MOB1B: variants seen among roughly 807,000 people sequenced by gnomAD.
MOB1B encodes the protein MOB1 Mps One Binder homolog B.
In MOB1B, 19 loss-of-function variants were observed where a neutral mutation model predicts 24.4. The ratio of observed to expected loss-of-function variants is 0.78; its 90% CI spans 0.54 to 1.14. The LOEUF (loss-of-function observed/expected upper bound fraction) is 1.14. Ranked by LOEUF, MOB1B falls within the 50% of genes most tolerant of loss-of-function variation. The pLI is 0.00. For missense variants in MOB1B, 243 were observed against 259.6 expected (o/e 0.94, Z 0.44); for synonymous variants, 76 against 82.1 (o/e 0.93, Z 0.40).
intron 2 of MOB1B, among the ~76,000 whole-genome samples, chr4:70,962,244 G>A (rs1427943937): frequency 1.3e-5 from 2 of 152,130 alleles, no homozygotes; most frequent in African/African-American, 4.8e-5. Context: ...ATTCATCACT[G>A]TAGTTGAGAT....
chr4:70,936,253 C>T (rs1737080209), intron 1 of MOB1B, among the ~76,000 whole-genome samples: 1 of 152,162 alleles, frequency 6.6e-6, no homozygotes, highest in Admixed American at 6.5e-5. Context: ...CTCAGCCTCC[C>T]AAAGTGCTGG....
intron 2 of MOB1B, among the ~76,000 whole-genome samples, chr4:70,962,759 G>T (rs922085968): frequency 2.0e-5 from 3 of 152,292 alleles, no homozygotes; most frequent in Non-Finnish European, 4.4e-5. Context: ...AGCATTTTGG[G>T]AGGCCACGGT....
At position 70,971,847 on chromosome 4, in the gene MOB1B, A is replaced by C. The variant is rs185114714; in HGVS notation, c.275+1823A>C. Among the ~76,000 whole-genome samples, 3 of 152,218 alleles carry C rather than the reference A, an allele frequency of 2.0e-5. No individual in the cohort carries two copies. The East Asian group carries it at 5.8e-4, about 29-fold the overall frequency. On this transcript the variant is annotated intron_variant, in intron 3 of 5. Coordinates refer to ENST00000309395, the MANE Select transcript of MOB1B (RefSeq NM_173468.4). ...TGTATGCATGCATGTGTGCGTACAT[A>C]GTGTTAAAGCTGTGTGGTCTCCTGC...
At chr4:70,922,829 G>A (rs28574929) in intron 1 of MOB1B, among the ~76,000 whole-genome samples, 6,386 of 152,142 alleles carry the variant, frequency 0.042, 439 homozygotes, top group African/African-American at 0.14. Context: ...GTAACAATAA[G>A]TGTACATACG....
At chr4:70,920,194 A>G (rs1418078142) in intron 1 of MOB1B, among the ~76,000 whole-genome samples, 1 of 152,084 alleles carries the variant, frequency 6.6e-6, no homozygotes. Context: ...CTGACAAAAT[A>G]TTTGATTTAA....
rs555102825 is a variant in MOB1B at position 70,912,445 on chromosome 4, A to G, written c.14+9895A>G. ...CAGGTGCCCGCCACCACACCCAGCTAATTTTTATATTCTTAGTAGAGATGG... is the reference window on the plus strand; with the variant it reads ...CAGGTGCCCGCCACCACACCCAGCTGATTTTTATATTCTTAGTAGAGATGG... On this transcript the variant is annotated intron_variant, in intron 1 of 5. Coordinates refer to ENST00000309395, the MANE Select transcript of MOB1B (RefSeq NM_173468.4). Among the ~76,000 whole-genome samples the G allele has an allele frequency of 7.2e-5, 11 of 151,870 alleles. No individual in the cohort carries two copies. The East Asian group carries it at 2.1e-3, about 30-fold the overall frequency.
rs556839326 is a variant in MOB1B, at chr4:70,940,775, C to A, written c.15-18099C>A. Among the ~76,000 whole-genome samples, 118 of 151,608 alleles carry A rather than the reference C, an allele frequency of 7.8e-4. 3 individuals carry two copies. The highest frequency in any genetic ancestry group is 6.2e-3 in the Admixed American group (95 of 15,226). ...CACAGCAACCTCCACCTCCCAGGTT[C>A]AAGCAATTCTCCTGCCTCAGCCTCC... On this transcript the variant is annotated intron_variant, in intron 1 of 5. Coordinates refer to ENST00000309395, the MANE Select transcript of MOB1B (RefSeq NM_173468.4).
chr4:70,915,268 T>C (rs1295598076), intron 1 of MOB1B, among the ~76,000 whole-genome samples: 1 of 152,174 alleles, frequency 6.6e-6, no homozygotes, highest in Non-Finnish European at 1.5e-5. Flanking sequence ...GTGTCATCGG[T>C]GGAGGGTGTC....
At chr4:70,971,532 A>T (rs896558755) in intron 3 of MOB1B, among the ~76,000 whole-genome samples, 30 of 152,010 alleles carry the variant, frequency 2.0e-4, no homozygotes, top group Non-Finnish European at 5.9e-5. Flanking sequence ...AGTAATTTAA[A>T]GACATAGGTG....
chr4:70,969,369 G>A (rs1287542336), intron 2 of MOB1B, among the ~76,000 whole-genome samples: 1 of 152,152 alleles, frequency 6.6e-6, no homozygotes, highest in Non-Finnish European at 1.5e-5. Context: ...GGGCTCAAGC[G>A]ATTCTCCAGC....
At chr4:70,902,714 G>C (rs758848852) in intron 1 of MOB1B, among the ~76,000 whole-genome samples, 164 bp downstream of exon 1, 1 of 152,012 alleles carries the variant, frequency 6.6e-6, no homozygotes, top group Non-Finnish European at 1.5e-5. Flanking sequence ...CGGAGCGCTC[G>C]GACTACCTAA....
chr4:70,917,617 A>G (rs1263661396), intron 1 of MOB1B, among the ~76,000 whole-genome samples: 1 of 152,240 alleles, frequency 6.6e-6, no homozygotes, highest in Non-Finnish European at 1.5e-5. Context: ...CGTTCTCAGA[A>G]GATCCAAACC....
rs185529907 is a variant in MOB1B at position 70,919,372 on chromosome 4, C to T, written c.14+16822C>T. Among the ~76,000 whole-genome samples the T allele has an allele frequency of 1.3e-3, 199 of 151,404 alleles. 1 individual carries two copies. The highest frequency in any genetic ancestry group is 6.2e-3 in the East Asian group (32 of 5,158). On this transcript the variant is annotated intron_variant, in intron 1 of 5. Coordinates refer to ENST00000309395, the MANE Select transcript of MOB1B (RefSeq NM_173468.4). ...GTTTGATTTTGGAATTCCAGATTCC[C>T]GTAAATTATTTATTTTGCCAGAATG...
At chr4:70,959,402 G>A (rs1353521980) in intron 2 of MOB1B, among the ~76,000 whole-genome samples, 1 of 152,052 alleles carries the variant, frequency 6.6e-6, no homozygotes, top group African/African-American at 2.4e-5. Flanking sequence ...TAGTAGAGAT[G>A]GAGTTCTCAC....
intron 1 of MOB1B, among the ~76,000 whole-genome samples, chr4:70,913,310 A>AT (rs1736070955): frequency 1.3e-5 from 2 of 151,530 alleles, no homozygotes; most frequent in African/African-American, 4.8e-5. Context: ...GTATCTATGT[A>AT]TTTTTTGGGA....
chr4:70,944,461 GT>G (rs1737487228), intron 1 of MOB1B, among the ~76,000 whole-genome samples: 1 of 152,204 alleles, frequency 6.6e-6, no homozygotes, highest in Admixed American at 6.5e-5. Context: ...GTTTAGAAAA[GT>G]TTGAGATTGA....
Position 70,973,124 on chromosome 4 carries a change from A to T in MOB1B, c.276-2029A>T, listed in dbSNP as rs188145768. On this transcript the variant is annotated intron_variant, in intron 3 of 5. Coordinates refer to ENST00000309395, the MANE Select transcript of MOB1B (RefSeq NM_173468.4). The stretch of plus-strand genomic sequence containing the variant: ...TAGGATATTGAAAGTTAATATTTTT[A>T]AAAAATACTTCAGGATATTGAAAAT... Among the ~76,000 whole-genome samples, 299 of 152,298 alleles carry T rather than the reference A, an allele frequency of 2.0e-3. 1 individual carries two copies. The highest frequency in any genetic ancestry group is 6.8e-3 in the African/African-American group (284 of 41,568).
upstream of MOB1B, chr4:70,902,225 C>T: frequency 1.9e-6 from 1 of 536,066 alleles, no homozygotes; most frequent in South Asian, 2.1e-5. Context: ...GGTGGGCTTG[C>T]ACCGCTATCG....
At chr4:70,907,898 AAC>A (rs1735813030) in intron 1 of MOB1B, among the ~76,000 whole-genome samples, 2 of 152,142 alleles carry the variant, frequency 1.3e-5, no homozygotes, top group African/African-American at 2.4e-5. Context: ...CTCCCACCTC[AAC>A]CTCCAGAGTA....
Sources: allele counts gnomAD v4.1 joint callset (sites outside exome capture counted in the v4.1 genomes callset), GRCh38; gene constraint gnomAD v4.1.1; transcripts MANE v1.5; gene names NCBI Gene and HGNC (gene_info 2026-07-23, HGNC 2026-07-21).